Variants in SAMD5 observed in about 807,000 individuals in gnomAD.
SAMD5 encodes sterile alpha motif domain-containing protein 5.
SAMD5 carries 13 observed loss-of-function variants against 11.3 expected under a neutral mutation model. The ratio of observed to expected loss-of-function variants is 1.15; its 90% CI spans 0.75 to 1.83. The LOEUF (loss-of-function observed/expected upper bound fraction) is 1.83, where lower values mean the gene tolerates loss of function less well. SAMD5 is among the 40% of genes most tolerant of loss of function. The pLI, the probability that SAMD5 is intolerant of heterozygous loss-of-function variation, is 0.00. For synonymous variants in SAMD5, 129 were observed against 111.3 expected (o/e 1.16, Z -1.00); for missense variants, 255 against 239.1 (o/e 1.07, Z -0.44).
the SAMD5 span, among the ~76,000 whole-genome samples, chr6:147,817,688 A>C: frequency 6.6e-6 from 1 of 152,180 alleles, no homozygotes; most frequent in Non-Finnish European, 1.5e-5. Flanking sequence ...TCTCCATGGG[A>C]GCCTGAGTTT....
chr6:147,516,862 T>G (rs1432902163), intron 1 of SAMD5, among the ~76,000 whole-genome samples: 1 of 152,170 alleles, frequency 6.6e-6, no homozygotes, highest in African/African-American at 2.4e-5. Flanking sequence ...TTGGGGTCAC[T>G]CAGTAAATAG....
chr6:147,821,447 C>T, the SAMD5 span, among the ~76,000 whole-genome samples: 37 of 152,300 alleles, frequency 2.4e-4, no homozygotes, highest in African/African-American at 8.9e-4. Flanking sequence ...CTGAAGGCTA[C>T]GACCAGCAAC....
intron 1 of SAMD5, among the ~76,000 whole-genome samples, chr6:147,636,544 T>A (rs575822894): frequency 6.6e-6 from 1 of 152,302 alleles, no homozygotes; most frequent in South Asian, 2.1e-4. Flanking sequence ...CTAGCCTGGA[T>A]TATAAAAATA....
chr6:147,658,703 G>C lies in SAMD5; in HGVS notation c.163-78614G>C, dbSNP rs150468435. ...CAAGTCAGAACGTGGGTGGAAGACA[G>C]CATTCTTTGAGCACATGGAATTAAG... On this transcript the variant is annotated intron_variant, in intron 1 of 1. Transcript: ENST00000566741. Among the ~76,000 whole-genome samples the C allele has an allele frequency of 3.0e-3, 456 of 152,074 alleles. 2 individuals carry two copies. The highest frequency in any genetic ancestry group is 0.01 in the African/African-American group (429 of 41,488).
chr6:147,665,475 G>A (rs529101806), intron 1 of SAMD5, among the ~76,000 whole-genome samples: 2 of 152,326 alleles, frequency 1.3e-5, no homozygotes, highest in African/African-American at 2.4e-5. Context: ...AAAGAACTGT[G>A]TTTTAGAAAG....
In SAMD5 at chr6:147,568,508, T is replaced by C; in HGVS notation, c.*4052T>C. ...GGCATGAAGGGTGGAACATTGCATC[T>C]AGGGAAAATAAGAGAAATAAGTGAA... On this transcript the variant is annotated 3_prime_UTR_variant, in exon 2 of 2. Transcript: ENST00000367474. 2 of 985,386 alleles carry C rather than the reference T, an allele frequency of 2.0e-6. No individual in the cohort carries two copies. The highest frequency in any genetic ancestry group is 2.4e-6 in the Non-Finnish European group (2 of 829,888). The allele number at this position is 985,386 out of a possible 1,614,324, so 61.0% of individuals were successfully genotyped here.
chr6:147,772,325 A>G, the SAMD5 span, among the ~76,000 whole-genome samples: 1 of 152,140 alleles, frequency 6.6e-6, no homozygotes, highest in Non-Finnish European at 1.5e-5. Flanking sequence ...CAGAACTTCA[A>G]GAAAGGGCAG....
chr6:147,697,676 G>GT (rs1459531812), intron 1 of SAMD5, among the ~76,000 whole-genome samples: 1 of 152,332 alleles, frequency 6.6e-6, no homozygotes, highest in East Asian at 1.9e-4. Context: ...GTAACAACGT[G>GT]TAAGAAAGCA....
chr6:147,682,996 T>A (rs1207207709), intron 1 of SAMD5, among the ~76,000 whole-genome samples: 1 of 152,238 alleles, frequency 6.6e-6, no homozygotes, highest in African/African-American at 2.4e-5. Context: ...TATTTTCAGA[T>A]GACAAGTAAC....
chr6:147,574,125 C>A (rs527652228), downstream of SAMD5, among the ~76,000 whole-genome samples: 3 of 132,716 alleles, frequency 2.3e-5, no homozygotes, highest in Admixed American at 8.0e-5. Context: ...GAGACTGTGT[C>A]TCAAAAAAAA....
intron 1 of SAMD5, among the ~76,000 whole-genome samples, chr6:147,721,517 A>C (rs960329258): frequency 1.3e-5 from 2 of 152,130 alleles, no homozygotes; most frequent in African/African-American, 4.8e-5. Flanking sequence ...GTGTCTGTTC[A>C]TATCCTTTGC....
At chr6:147,611,035 A>G (rs986551785) in intron 1 of SAMD5, among the ~76,000 whole-genome samples, 3 of 151,858 alleles carry the variant, frequency 2.0e-5, no homozygotes, top group Non-Finnish European at 4.4e-5. Flanking sequence ...ACGCCCGGCT[A>G]ATTTTTGTAT....
chr6:147,786,612 G>C, the SAMD5 span, among the ~76,000 whole-genome samples: 4 of 152,168 alleles, frequency 2.6e-5, no homozygotes, highest in Admixed American at 6.5e-5. Flanking sequence ...AAGGACAGGG[G>C]CTGATGTGGA....
chr6:147,836,042 T>C, the SAMD5 span, among the ~76,000 whole-genome samples: 1 of 152,266 alleles, frequency 6.6e-6, no homozygotes, highest in Non-Finnish European at 1.5e-5. Flanking sequence ...TTACGCTTTT[T>C]AAATACAAAG....
At chr6:147,651,926 A>G (rs1790490900) in intron 1 of SAMD5, among the ~76,000 whole-genome samples, 1 of 150,958 alleles carries the variant, frequency 6.6e-6, no homozygotes, top group Admixed American at 6.7e-5. Flanking sequence ...AGGCCCGCAC[A>G]GAGTGGGGGT....
chr6:147,508,849 T>C lies in SAMD5; in HGVS notation c.-80T>C, dbSNP rs1384017435. On this transcript the variant is annotated 5_prime_UTR_variant, in exon 1 of 2. Coordinates refer to ENST00000367474, the MANE Select transcript of SAMD5 (RefSeq NM_001030060.3). ...ACCCTTTTCCCCTTGGAGGAGAGGA[T>C]TAAAAGTTCCAAGAACTGGTGCCGC... 3.9e-6 allele frequency: 6 copies of C among 1,531,240 alleles called. No individual in the cohort carries two copies. The highest frequency in any genetic ancestry group is 1.4e-5 in the African/African-American group (1 of 70,486). 94.9% of individuals were successfully genotyped at this position (1,531,240 alleles called of 1,614,324 possible).
At chr6:147,723,260 G>A (rs146283592) in intron 1 of SAMD5, among the ~76,000 whole-genome samples, 2 of 152,240 alleles carry the variant, frequency 1.3e-5, no homozygotes, top group Non-Finnish European at 2.9e-5. Flanking sequence ...AACTCAGGTA[G>A]GAGTTTTGTG....
rs764862123 is a variant in SAMD5 at position 147,684,454 on chromosome 6, T to TGG, written c.163-52861_163-52860dup. On this transcript the variant is annotated intron_variant, in intron 1 of 1. Coordinates refer to the SAMD5 transcript ENST00000566741. Reference sequence around the variant, plus strand: ...TACACACCTACATATGCCTTTCTGTTGGGCTTATATTAGGGGTAGTTGGGC... The same window carrying TGG: ...TACACACCTACATATGCCTTTCTGTTGGGGGCTTATATTAGGGGTAGTTGGGC... 1.8e-4 allele frequency among the ~76,000 whole-genome samples: 27 copies of TGG among 152,292 alleles called. No homozygotes were observed. The East Asian group carries it at 4.4e-3, about 25-fold the overall frequency.
At chr6:147,652,969 C>T (rs1790513073) in intron 1 of SAMD5, among the ~76,000 whole-genome samples, 1 of 152,114 alleles carries the variant, frequency 6.6e-6, no homozygotes, top group Non-Finnish European at 1.5e-5. Flanking sequence ...GTTTGCCTCC[C>T]AGAGACTAAG....
Sources: allele counts gnomAD v4.1 joint callset (sites outside exome capture counted in the v4.1 genomes callset), GRCh38; gene constraint gnomAD v4.1.1; transcripts MANE v1.5; gene names NCBI Gene and HGNC (gene_info 2026-07-23, HGNC 2026-07-21).